Variants in APBB2 observed in about 807,000 individuals in gnomAD.
APBB2 encodes amyloid beta precursor protein binding family B member 2.
Under a neutral mutation model 82.5 loss-of-function variants are expected in APBB2, and 38 were observed. The ratio of observed to expected loss-of-function variants is 0.46; its 90% CI spans 0.36 to 0.60. APBB2 has a LOEUF of 0.60. Among genes scored for constraint, APBB2 ranks in the 20% least tolerant of loss-of-function variants. APBB2 has a pLI of 0.00. For missense variants in APBB2, 772 were observed against 972.3 expected, an observed-to-expected ratio of 0.79 and a Z score of 2.74; for synonymous variants, 341 against 368.2, an observed-to-expected ratio of 0.93 and a Z score of 0.85.
At chr4:40,988,859 G>A (rs190506212) in intron 6 of APBB2, among the ~76,000 whole-genome samples, 192 of 150,822 alleles carry the variant, frequency 1.3e-3, no homozygotes, top group African/African-American at 4.0e-3. Context: ...TCCGCTTCCC[G>A]GGTTCAAGCA....
rs1010586166 is a variant in APBB2, at chr4:40,884,102, C to A, written c.1529+6262G>T. 1.6e-4 allele frequency among the ~76,000 whole-genome samples: 24 copies of A among 152,308 alleles called. 1 individual carries two copies. The highest frequency in any genetic ancestry group is 1.5e-5 in the Non-Finnish European group (1 of 68,024). On this transcript the variant is annotated intron_variant, in intron 12 of 17. Coordinates refer to ENST00000508593, the MANE Select transcript of APBB2 (RefSeq NM_004307.2). Reference sequence around the variant, plus strand: ...CCCAGCCTCTCCTCCCCTGCCAACCCCGGGACATTTAGACCATTCACCATC... The same window carrying A: ...CCCAGCCTCTCCTCCCCTGCCAACCACGGGACATTTAGACCATTCACCATC...
rs945575399 is a variant in APBB2, at chr4:41,127,845, G to C, written c.-261+15142C>G. On this transcript the variant is annotated intron_variant, in intron 2 of 17. Transcript: ENST00000508593. This position sits in a 1 kb window ranked among gnomAD's most constrained non-coding sequence, Gnocchi z 4.8. ...TTGTAATCCCAGCACTTTGGGAGGC[G>C]GAGGCGGGTGGATTACCTGAGGTCA... is the stretch of plus-strand genomic sequence containing the variant. Among the ~76,000 whole-genome samples the C allele has an allele frequency of 2.6e-5, 4 of 151,566 alleles. No homozygotes were observed. Among genetic ancestry groups the C allele is most frequent in the African/African-American group, 9.7e-5 (4 of 41,236 alleles).
intron 10 of APBB2, among the ~76,000 whole-genome samples, chr4:40,895,436 A>C (rs1313319719): frequency 3.9e-5 from 6 of 152,212 alleles, no homozygotes; most frequent in Admixed American, 3.9e-4. Flanking sequence ...CCCGATGGTG[A>C]AGAGGAGGTC....
At chr4:41,174,873 G>C (rs1389704551) in intron 1 of APBB2, among the ~76,000 whole-genome samples, 5 of 152,148 alleles carry the variant, frequency 3.3e-5, no homozygotes, top group Non-Finnish European at 7.3e-5. Flanking sequence ...TGTTGGAACT[G>C]GCTACTGAAG....
intron 3 of APBB2, among the ~76,000 whole-genome samples, chr4:41,093,037 A>C (rs1742314355): frequency 6.6e-6 from 1 of 152,150 alleles, no homozygotes; most frequent in Non-Finnish European, 1.5e-5. Flanking sequence ...CCTCTTTTCC[A>C]GTAACATCAG....
At chr4:40,903,545 G>A (rs1775911245) in intron 10 of APBB2, among the ~76,000 whole-genome samples, 1 of 152,220 alleles carries the variant, frequency 6.6e-6, no homozygotes, top group African/African-American at 2.4e-5. Context: ...TGATGCACCA[G>A]CAAAGGGCCT....
At chr4:40,934,952 A>T (rs1785047492) in intron 8 of APBB2, 125 bp downstream of exon 8, 1 of 844,258 alleles carries the variant, frequency 1.2e-6, no homozygotes, top group Non-Finnish European at 1.8e-6. Flanking sequence ...GAATGCCCCT[A>T]GCAAGAAGCC....
intron 3 of APBB2, among the ~76,000 whole-genome samples, chr4:41,093,779 G>T (rs769471763): frequency 1.8e-4 from 27 of 152,090 alleles, no homozygotes; most frequent in Non-Finnish European, 3.4e-4. Context: ...GCTTGAATCT[G>T]GGAGGTGGAG....
At chr4:40,941,383 T>C (rs1325452759) in intron 7 of APBB2, among the ~76,000 whole-genome samples, 1 of 152,170 alleles carries the variant, frequency 6.6e-6, no homozygotes, top group Non-Finnish European at 1.5e-5. Context: ...GAAGGCTCCA[T>C]ATGTGACATA....
At chr4:41,070,395 C>T (rs1733396676) in intron 3 of APBB2, among the ~76,000 whole-genome samples, 1 of 149,818 alleles carries the variant, frequency 6.7e-6, no homozygotes, top group Admixed American at 6.6e-5. Flanking sequence ...CTCCAGTCTC[C>T]GCCTCCTGGG....
chr4:41,047,084 TTTTG>T (rs1723704425), intron 4 of APBB2, among the ~76,000 whole-genome samples: 1 of 152,224 alleles, frequency 6.6e-6, no homozygotes, highest in South Asian at 2.1e-4. Context: ...TATAATGTAA[TTTTG>T]TTTAAGTAGC....
chr4:41,158,044 C>T (rs1184181608), intron 1 of APBB2, among the ~76,000 whole-genome samples: 2 of 152,016 alleles, frequency 1.3e-5, no homozygotes, highest in African/African-American at 2.4e-5. Context: ...AAGTGCATTT[C>T]CCAAGGTAAT....
chr4:40,835,443 G>A (rs552735644), intron 12 of APBB2, among the ~76,000 whole-genome samples: 1 of 152,284 alleles, frequency 6.6e-6, no homozygotes, highest in African/African-American at 2.4e-5. Context: ...AGTGTAAGAA[G>A]GACCTCATCA....
At chr4:40,961,242 A>G (rs73152329) in intron 6 of APBB2, among the ~76,000 whole-genome samples, 12,764 of 152,122 alleles carry the variant, frequency 0.084, 583 homozygotes, top group Middle Eastern at 0.14. Context: ...TCTCACAGCA[A>G]AAAACTAAAT....
intron 1 of APBB2, among the ~76,000 whole-genome samples, chr4:41,173,600 C>T (rs1036343759): frequency 2.0e-5 from 3 of 152,186 alleles, no homozygotes; most frequent in African/African-American, 4.8e-5. Context: ...AAGGTGGTCC[C>T]ATTAGATTAC....
At position 40,812,959 on chromosome 4, in the gene APBB2, A is replaced by G. The variant is rs1242878803; in HGVS notation, c.*3133T>C. On this transcript the variant is annotated 3_prime_UTR_variant, in exon 18 of 18. Transcript: ENST00000508593. ...AAATCACACATGTTGTGAAGGGTAG[A>G]AAAACGAAGCACCAAGCAGTGCTTT... 1 of 152,256 alleles carries G rather than the reference A, an allele frequency of 6.6e-6. No homozygotes were observed. Among genetic ancestry groups the G allele is most frequent in the African/African-American group, 2.4e-5 (1 of 41,470 alleles). 9.4% of individuals were successfully genotyped at this position (152,256 alleles called of 1,614,324 possible). A position where few individuals can be genotyped will look rare whatever the true frequency, so the allele number is the denominator to read the frequency against.
chr4:41,033,265 G>A lies in APBB2; in HGVS notation c.-11C>T. Reference sequence around the variant, plus strand: ...AAGTACTTCTGACATGGATCACCAGGCGTCAGCAATGGTGCAGGAAATAGG... The same window carrying A: ...AAGTACTTCTGACATGGATCACCAGACGTCAGCAATGGTGCAGGAAATAGG... On this transcript the variant is annotated 5_prime_UTR_variant, in exon 5 of 18. Transcript: ENST00000508593. The A allele has an allele frequency of 6.2e-7, 1 of 1,604,272 alleles. No individual in the cohort carries two copies. The highest frequency in any genetic ancestry group is 8.5e-7 in the Non-Finnish European group (1 of 1,173,732).
chr4:41,180,864 T>C (rs867151181), intron 1 of APBB2, among the ~76,000 whole-genome samples: 108 of 152,250 alleles, frequency 7.1e-4, no homozygotes, highest in African/African-American at 2.4e-3. Flanking sequence ...CTGTTTTCAT[T>C]GTATAGTTTA....
chr4:41,004,203 G>A lies in APBB2; in HGVS notation c.835+9380C>T, dbSNP rs1347039085. Among the ~76,000 whole-genome samples the A allele has an allele frequency of 9.2e-5, 14 of 152,128 alleles. 1 individual carries two copies. Among genetic ancestry groups the A allele is most frequent in the Admixed American group, 9.2e-4 (14 of 15,272 alleles). On this transcript the variant is annotated intron_variant, in intron 6 of 17. Transcript: ENST00000508593. ...CAAACTGCTGGGATTACAGGTGTGA[G>A]CCACTGCGCCCGGCCACAAATTTCT... is the stretch of plus-strand genomic sequence containing the variant.
Sources: allele counts gnomAD v4.1 joint callset (sites outside exome capture counted in the v4.1 genomes callset), GRCh38; gene constraint gnomAD v4.1.1; non-coding constraint Gnocchi (gnomAD v3.1); transcripts MANE v1.5; gene names NCBI Gene and HGNC (gene_info 2026-07-23, HGNC 2026-07-21).